GRAMD4: variants seen among roughly 807,000 people sequenced by gnomAD.
GRAMD4 encodes the protein GRAM domain containing 4.
Under a neutral mutation model 83.9 loss-of-function variants are expected in GRAMD4, and 25 were observed. The ratio of observed to expected loss-of-function variants is 0.30; its 90% CI spans 0.22 to 0.42. The LOEUF (loss-of-function observed/expected upper bound fraction) is 0.42, where lower values mean the gene tolerates loss of function less well. GRAMD4 is among the 10% of genes least tolerant of loss of function. GRAMD4 has a pLI of 1.00. For missense variants in GRAMD4, 593 were observed against 788.7 expected, an observed-to-expected ratio of 0.75 and a Z score of 2.97; for synonymous variants, 336 against 320.9, an observed-to-expected ratio of 1.05 and a Z score of -0.50.
upstream of GRAMD4, among the ~76,000 whole-genome samples, chr22:46,616,415 T>C (rs1601566036): frequency 1.9e-5 from 2 of 107,650 alleles, no homozygotes; most frequent in South Asian, 3.9e-4. Flanking sequence ...CCTGTGCGTG[T>C]AGGTTCCCCC....
chr22:46,667,271 C>T (rs1021753435), intron 10 of GRAMD4, among the ~76,000 whole-genome samples: 2 of 152,262 alleles, frequency 1.3e-5, no homozygotes, highest in African/African-American at 4.8e-5. Flanking sequence ...GCCCACCTCT[C>T]GGAGGTTGCA....
At chr22:46,650,845 C>G (rs1212964678) in intron 3 of GRAMD4, among the ~76,000 whole-genome samples, 1 of 152,222 alleles carries the variant, frequency 6.6e-6, no homozygotes, top group Non-Finnish European at 1.5e-5. Flanking sequence ...CAGAGTCACT[C>G]TTCCTTGTGA....
intron 3 of GRAMD4, among the ~76,000 whole-genome samples, chr22:46,639,654 G>A (rs112738380): frequency 4.6e-5 from 7 of 152,206 alleles, no homozygotes; most frequent in Admixed American, 1.3e-4. Flanking sequence ...GTGCATGCCC[G>A]TGTGCAGCAG....
rs115040337 is a variant in GRAMD4 at position 46,634,304 on chromosome 22, G to A, written c.163-3536G>A. ...TTGCCTTGCAACCGCTGTGGGCAGG[G>A]TGGCTAGGTTTGACTCAAATGCAAG... is the stretch of plus-strand genomic sequence containing the variant. On this transcript the variant is annotated intron_variant, in intron 2 of 18. Coordinates refer to ENST00000406902, the MANE Select transcript of GRAMD4 (RefSeq NM_015124.5). Among the ~76,000 whole-genome samples the A allele has an allele frequency of 3.8e-3, 583 of 152,328 alleles. 3 individuals carry two copies. Among genetic ancestry groups the A allele is most frequent in the African/African-American group, 0.013 (552 of 41,562 alleles).
intron 1 of GRAMD4, among the ~76,000 whole-genome samples, chr22:46,591,845 A>AAC (rs1392633543): frequency 4.0e-5 from 6 of 149,952 alleles, no homozygotes; most frequent in Non-Finnish European, 7.4e-5. Flanking sequence ...AAAAAAAAAA[A>AAC]AAAAAAACCC....
At position 46,626,923 on chromosome 22, in the gene GRAMD4, C is replaced by T; in HGVS notation, c.124C>T (p.Arg42Trp). 5 of 1,614,114 alleles carry T rather than the reference C, an allele frequency of 3.1e-6. No individual in the cohort carries two copies. The South Asian group carries it at 3.3e-5, about 11-fold the overall frequency. ...CSDEIPLKVP[R>W]TSPRDSEELR... is the part of the protein sequence containing the mutation. ...CGACGAAATCCCCCTGAAGGTACCGCGGACCTCGCCCCGGGACAGCGAGGA... is the reference window on the plus strand; with the variant it reads ...CGACGAAATCCCCCTGAAGGTACCGTGGACCTCGCCCCGGGACAGCGAGGA... The change falls in exon 2 of 19, where the codon CGG becomes TGG. Residue 42 changes from arginine (R) to tryptophan (W), a missense_variant. Arg to Trp is a moderately radical substitution (Grantham distance 101, BLOSUM62 -3). Around this residue, in one of 4 missense-constraint regions of GRAMD4, gnomAD observed 312 missense variants for 350.7 expected, o/e 0.89. Coordinates refer to ENST00000406902, the MANE Select transcript of GRAMD4 (RefSeq NM_015124.5).
chr22:46,629,288 G>T (rs113127458), intron 2 of GRAMD4, among the ~76,000 whole-genome samples: 4 of 152,128 alleles, frequency 2.6e-5, no homozygotes, highest in African/African-American at 4.8e-5. Flanking sequence ...CGGCAGTCTC[G>T]TCCACCCCCA....
At chr22:46,668,442 C>G (rs1433045210) in intron 11 of GRAMD4, among the ~76,000 whole-genome samples, 1 of 152,124 alleles carries the variant, frequency 6.6e-6, no homozygotes, top group Non-Finnish European at 1.5e-5. Flanking sequence ...CCCTCCCTCC[C>G]CACCGCCCCT....
chr22:46,632,556 C>T (rs1434348928), intron 2 of GRAMD4, among the ~76,000 whole-genome samples: 1 of 152,164 alleles, frequency 6.6e-6, no homozygotes, highest in East Asian at 1.9e-4. Context: ...CAGGGTGGCT[C>T]CTCTGTAGGT....
chr22:46,643,335 CCA>C (rs2082018695), intron 3 of GRAMD4, among the ~76,000 whole-genome samples: 1 of 1,776 alleles, frequency 5.6e-4, no homozygotes, highest in Non-Finnish European at 8.5e-4. Flanking sequence ...ATGCATCTAT[CCA>C]TCCATCCATC....
At chr22:46,661,211 C>G (rs1260095088) in intron 4 of GRAMD4, among the ~76,000 whole-genome samples, 170 bp from the exon 5 acceptor site, 1 of 152,222 alleles carries the variant, frequency 6.6e-6, no homozygotes, top group African/African-American at 2.4e-5. Flanking sequence ...TCTGTGCTTG[C>G]CTGGATACGC....
At chr22:46,669,603 T>C (rs2082468829) in intron 13 of GRAMD4, among the ~76,000 whole-genome samples, 1 of 150,376 alleles carries the variant, frequency 6.6e-6, no homozygotes, top group Admixed American at 6.6e-5. Context: ...GGAGACGGAG[T>C]GTCGCTCTGT....
intron 6 of GRAMD4, 62 bp from the exon 7 acceptor site, chr22:46,663,775 TG>T: frequency 6.5e-7 from 1 of 1,544,290 alleles, no homozygotes. Flanking sequence ...AACCGGGCAG[TG>T]GGGACTGCAG....
chr22:46,643,810 G>A (rs571162335), intron 3 of GRAMD4, among the ~76,000 whole-genome samples: 29 of 152,268 alleles, frequency 1.9e-4, no homozygotes, highest in South Asian at 1.5e-3. Flanking sequence ...GTGTCACATC[G>A]GCAGGTACAT....
chr22:46,599,806 C>A (rs1418987365), intron 1 of GRAMD4, among the ~76,000 whole-genome samples: 1 of 152,196 alleles, frequency 6.6e-6, no homozygotes, highest in Non-Finnish European at 1.5e-5. Context: ...CCTACGAGTT[C>A]CATGGTCGCC....
chr22:46,681,411 T>G (rs1278226246), downstream of GRAMD4, among the ~76,000 whole-genome samples: 2 of 152,262 alleles, frequency 1.3e-5, no homozygotes, highest in East Asian at 3.8e-4. Context: ...TACGGGTGAT[T>G]GTGATAACTA....
intron 3 of GRAMD4, among the ~76,000 whole-genome samples, chr22:46,646,402 G>T (rs1160678841): frequency 1.3e-5 from 2 of 152,240 alleles, no homozygotes; most frequent in African/African-American, 4.8e-5. Context: ...GGCAGGAGGG[G>T]CTGGCCATCT....
At chr22:46,586,421 C>T (rs2081150724) in intron 1 of GRAMD4, among the ~76,000 whole-genome samples, 1 of 152,114 alleles carries the variant, frequency 6.6e-6, no homozygotes, top group South Asian at 2.1e-4. Flanking sequence ...GCTCTGTCCC[C>T]TCCTCTGTCT....
chr22:46,634,372 C>CTAAG (rs1227254021), intron 2 of GRAMD4, among the ~76,000 whole-genome samples: 4 of 152,166 alleles, frequency 2.6e-5, no homozygotes, highest in Non-Finnish European at 5.9e-5. Context: ...GATAAGAAAC[C>CTAAG]TAAGGAAGGG....
Sources: allele counts gnomAD v4.1 joint callset (sites outside exome capture counted in the v4.1 genomes callset), GRCh38; gene constraint gnomAD v4.1.1; regional missense constraint gnomAD v4.1.1; transcripts MANE v1.5; gene names NCBI Gene and HGNC (gene_info 2026-07-23, HGNC 2026-07-21).